The following RBM44 variants were observed in gnomAD, a reference collection of about 807,000 sequenced individuals.
The protein encoded by RBM44 is RNA-binding protein 44.
Under a neutral mutation model 105.1 loss-of-function variants are expected in RBM44, and 66 were observed. The observed-to-expected ratio is 0.63, with a 90% CI of 0.52 to 0.77. The LOEUF (loss-of-function observed/expected upper bound fraction) is 0.77, where lower values mean the gene tolerates loss of function less well. RBM44 is among the 30% of genes least tolerant of loss of function. The probability of loss-of-function intolerance (pLI) is 0.00; values close to 1 mark genes in which losing one functional copy is unlikely to be tolerated. For synonymous variants in RBM44, 365 were observed against 417.6 expected (o/e 0.87, Z 1.54); for missense variants, 1,122 against 1,207.8 (o/e 0.93, Z 1.05).
At chr2:237,810,619 A>G (rs2061649480) in intron 1 of RBM44, among the ~76,000 whole-genome samples, 1 of 152,238 alleles carries the variant, frequency 6.6e-6, no homozygotes. Context: ...TTTATTTGCA[A>G]GGGCATTGAG....
intron 15 of RBM44, among the ~76,000 whole-genome samples, chr2:237,840,919 A>G (rs1172215022): frequency 1.3e-5 from 2 of 152,218 alleles, no homozygotes; most frequent in Non-Finnish European, 2.9e-5. Context: ...TCAAAAAATA[A>G]CAGATGCTAA....
chr2:237,804,657 G>A (rs979358133), intron 1 of RBM44, among the ~76,000 whole-genome samples: 3 of 152,044 alleles, frequency 2.0e-5, no homozygotes. Context: ...TTGTTGATTT[G>A]TTTCAATTCC....
At position 237,821,746 on chromosome 2, in the gene RBM44, T is replaced by C. The variant is rs1344916193; in HGVS notation, c.2124T>C (p.Phe708=). 5.6e-6 allele frequency: 9 copies of C among 1,607,738 alleles called. No individual in the cohort carries two copies. In the South Asian group the frequency reaches 9.9e-5, roughly 18 times the overall value. The part of the protein sequence containing the change: ...SRLMKKETHV[F]SEADAEQDNQ... ...TCTTCTGAAATGTTCTTTTTAGCTT[T>C]TCAGAAGCAGATGCTGAACAAGATA... Residue 708 remains phenylalanine (F), a synonymous_variant, in exon 8 of 16, where the codon TTT becomes TTC. Coordinates refer to ENST00000316997, the MANE Select transcript of RBM44 (RefSeq NM_001080504.3).
chr2:237,823,557 T>G lies in RBM44; in HGVS notation c.2320+3T>G. On this transcript the variant is annotated splice_donor_region_variant and intron_variant, in intron 9 of 15. Transcript: ENST00000316997. ...TCAACTGAAACTTGGTGATAAAGGTTAGTATAAAAATGTGTTATCTTGTAT... is the reference window on the plus strand; with the variant it reads ...TCAACTGAAACTTGGTGATAAAGGTGAGTATAAAAATGTGTTATCTTGTAT... 1 of 1,342,970 alleles carries G rather than the reference T, an allele frequency of 7.4e-7. No homozygotes were observed. Among genetic ancestry groups the G allele is most frequent in the East Asian group, 2.5e-5 (1 of 39,964 alleles). 83.2% of individuals were successfully genotyped at this position (1,342,970 alleles called of 1,614,324 possible). A position where few individuals can be genotyped will look rare whatever the true frequency, so the allele number is the denominator to read the frequency against.
intron 13 of RBM44, among the ~76,000 whole-genome samples, chr2:237,832,208 G>A (rs1216438141): frequency 3.3e-5 from 5 of 149,870 alleles, no homozygotes. Context: ...AGGCTGGGGT[G>A]CAGTGGCACA....
At chr2:237,829,552 T>C (rs964773102) in intron 13 of RBM44, 50 bp downstream of exon 13, 4 of 1,461,532 alleles carry the variant, frequency 2.7e-6, no homozygotes, top group Non-Finnish European at 3.7e-6. Context: ...GTCATATTGC[T>C]GTAAGTAGCT....
In RBM44 at chr2:237,803,172, CAGG is replaced by C. The variant is rs2061562996; in HGVS notation, c.-19+4314_-19+4316del. Reference sequence around the variant, plus strand: ...GTGCCAGCTACAAAGGAGGCTGAGGCAGGAGAATCACTTTGACCTGGGAGGTAG... The same window carrying C: ...GTGCCAGCTACAAAGGAGGCTGAGGCAGAATCACTTTGACCTGGGAGGTAG... On this transcript the variant is annotated intron_variant, in intron 1 of 15. Coordinates refer to ENST00000316997, the MANE Select transcript of RBM44 (RefSeq NM_001080504.3). This position sits in a 1 kb window ranked among gnomAD's most constrained non-coding sequence, Gnocchi z 4.2. Among the ~76,000 whole-genome samples, 1 of 152,262 alleles carries C rather than the reference CAGG, an allele frequency of 6.6e-6. No individual in the cohort carries two copies. Among genetic ancestry groups the C allele is most frequent in the South Asian group, 2.1e-4 (1 of 4,828 alleles).
chr2:237,817,403 A>G lies in RBM44; in HGVS notation c.484A>G (p.Asn162Asp). 1 of 1,601,914 alleles carries G rather than the reference A, an allele frequency of 6.2e-7. No individual in the cohort carries two copies. The highest frequency in any genetic ancestry group is 8.5e-7 in the Non-Finnish European group (1 of 1,173,654). ...GACTGTTGGCTTGGAAAGAATCTAC[A>G]ATATTTCAGATGCTAATTATAGAGA... is the stretch of plus-strand genomic sequence containing the variant. ...DKTVGLERIY[N>D]ISDANYRESA... The change falls in exon 3 of 16, where the codon AAT (asparagine) becomes GAT (aspartate). Residue 162 changes from asparagine (N) to aspartate (D), a missense_variant. Physicochemically the swap from Asn to Asp is conservative, Grantham distance 23 (BLOSUM62 1). This residue lies in a region of RBM44 where 918 missense variants were observed against 955.3 expected (regional missense o/e 0.96). Transcript: ENST00000316997.
chr2:237,825,002 G>A (rs1235913394), intron 10 of RBM44, among the ~76,000 whole-genome samples: 1 of 151,072 alleles, frequency 6.6e-6, no homozygotes, highest in East Asian at 1.9e-4. Context: ...ATCAGCATTG[G>A]TTGTATTGTT....
At chr2:237,823,916 T>C (rs1403445573) in intron 9 of RBM44, among the ~76,000 whole-genome samples, 1 of 152,196 alleles carries the variant, frequency 6.6e-6, no homozygotes. Flanking sequence ...AATAAAGGGC[T>C]GCAACGCGGC....
At chr2:237,835,452 G>T (rs2061950040) in intron 15 of RBM44, among the ~76,000 whole-genome samples, 1 of 152,200 alleles carries the variant, frequency 6.6e-6, no homozygotes, top group Non-Finnish European at 1.5e-5. Flanking sequence ...TGGGCCTTTT[G>T]TACCAGTTAG....
At chr2:237,813,297 T>C (rs759903720) in intron 1 of RBM44, among the ~76,000 whole-genome samples, 11 of 152,218 alleles carry the variant, frequency 7.2e-5, no homozygotes. Context: ...CAATAGTTTA[T>C]TTCTTTCTGT....
rs2061882341 is a variant in RBM44, at chr2:237,829,478, C to G, written c.2862C>G (p.Asp954Glu). The part of the protein sequence containing the change: ...TRPRQLGSEQ[D>E]SEVFPSDQGV... ...CACGGCAGCTGGGTTCTGAGCAAGA[C>G]AGTGAGGTTTTCCCTTCCGACCAGG... Residue 954 changes from aspartate to glutamate, a missense_variant, in exon 13 of 16, where the codon GAC (aspartate) becomes GAG (glutamate). By Grantham distance (45) the Asp-to-Glu change is conservative. This residue lies in a region of RBM44 where 194 missense variants were observed against 225.5 expected (regional missense o/e 0.86). Transcript: ENST00000316997. 6 of 1,612,632 alleles carry G rather than the reference C, an allele frequency of 3.7e-6. No individual in the cohort carries two copies. The highest frequency in any genetic ancestry group is 4.2e-6 in the Non-Finnish European group (5 of 1,179,322).
chr2:237,815,405 C>G (rs920854675), intron 2 of RBM44, among the ~76,000 whole-genome samples: 21 of 152,142 alleles, frequency 1.4e-4, no homozygotes, highest in African/African-American at 5.1e-4. Context: ...TCCCTTCTAC[C>G]TTCTAATCTG....
chr2:237,804,122 G>A (rs778443780), intron 1 of RBM44, among the ~76,000 whole-genome samples: 4 of 152,032 alleles, frequency 2.6e-5, no homozygotes, highest in Non-Finnish European at 4.4e-5. Flanking sequence ...CACCCTCCTC[G>A]GCCTCCCAAA....
intron 15 of RBM44, among the ~76,000 whole-genome samples, chr2:237,835,816 G>A (rs933328496): frequency 2.0e-5 from 3 of 151,418 alleles, no homozygotes; most frequent in Admixed American, 6.6e-5. Flanking sequence ...CAAGCCCTGA[G>A]CAGTGTACAC....
At position 237,829,340 on chromosome 2, in the gene RBM44, A is replaced by G. The variant is rs368802872; in HGVS notation, c.2724A>G (p.Thr908=). ...VWPVKILGEY[T]SPLSSKNGNR... ...CTGTTAAAATTCTTGGAGAATATAC[A>G]TCACCACTTTCCTCCAAAAATGGGA... Residue 908 remains threonine (T), a synonymous_variant, in exon 13 of 16, where the codon ACA becomes ACG. Transcript: ENST00000316997. 1.6e-5 allele frequency: 26 copies of G among 1,613,528 alleles called. No homozygotes were observed. The highest frequency in any genetic ancestry group is 2.7e-5 in the African/African-American group (2 of 74,914).
intron 15 of RBM44, among the ~76,000 whole-genome samples, chr2:237,837,056 T>A (rs1387363307): frequency 6.6e-6 from 1 of 152,046 alleles, no homozygotes; most frequent in Admixed American, 6.6e-5. Context: ...GTTTTAGAGG[T>A]TGGGTCTTAC....
intron 6 of RBM44, 21 bp downstream of exon 6, chr2:237,821,275 A>T: frequency 6.4e-7 from 1 of 1,560,404 alleles, no homozygotes; most frequent in Non-Finnish European, 8.7e-7. Context: ...ATGTTTTAGA[A>T]ATAAAAAATT....
Sources: gnomAD v4.1 joint callset for allele counts (sites outside exome capture counted in the v4.1 genomes callset) on GRCh38, gnomAD v4.1.1 for gene constraint, gnomAD v4.1.1 regional missense constraint, Gnocchi (gnomAD v3.1) non-coding constraint, MANE v1.5 for transcripts, NCBI Gene and HGNC (gene_info 2026-07-23, HGNC 2026-07-21) for gene names.